ANKHD1: variants seen among roughly 807,000 people sequenced by gnomAD.
ANKHD1 encodes the protein ankyrin repeat and KH domain-containing protein 1.
A neutral mutation model predicts 230.5 loss-of-function variants in ANKHD1; 31 were observed. The ratio of observed to expected loss-of-function variants is 0.13; its 90% CI spans 0.10 to 0.18. The LOEUF is 0.18. Among genes scored for constraint, ANKHD1 ranks in the 10% least tolerant of loss-of-function variants. ANKHD1 has a pLI of 1.00. For missense variants in ANKHD1, 2,256 were observed against 3,071.3 expected (o/e 0.73, Z 6.27); for synonymous variants, 1,074 against 1,117.6 (o/e 0.96, Z 0.78).
In ANKHD1 at chr5:140,482,714, A is replaced by G. The variant is rs532812080; in HGVS notation, c.1870+47A>G. The G allele has an allele frequency of 5.8e-5, 90 of 1,551,948 alleles. No homozygotes were observed. The East Asian group carries it at 1.5e-3, about 26-fold the overall frequency. ...ATTTCCAAGAGGCTACAGTTTATGG[A>G]AAAAAAAATCCTAAACTGTTGCAAT... On this transcript the variant is annotated intron_variant, in intron 11 of 33. Transcript: ENST00000360839.
intron 1 of ANKHD1, among the ~76,000 whole-genome samples, chr5:140,434,581 T>C (rs935676530): frequency 5.9e-5 from 9 of 151,784 alleles, no homozygotes. Context: ...TATACACATA[T>C]GTACATTTAG....
chr5:140,528,073 C>G (rs1753677239), intron 28 of ANKHD1, 51 bp downstream of exon 28: 1 of 1,601,092 alleles, frequency 6.2e-7, no homozygotes, highest in South Asian at 1.1e-5. Context: ...TTATAAGAAG[C>G]ATACCTTTGT....
At chr5:140,461,216 A>G (rs530925800) in intron 9 of ANKHD1, among the ~76,000 whole-genome samples, 1 of 152,234 alleles carries the variant, frequency 6.6e-6, no homozygotes, top group Non-Finnish European at 1.5e-5. Context: ...CAATGATGTT[A>G]TATAACTCCG....
At chr5:140,464,886 C>G (rs1306975745) in intron 10 of ANKHD1, 110 bp downstream of exon 10, 2 of 1,113,248 alleles carry the variant, frequency 1.8e-6, no homozygotes, top group Non-Finnish European at 2.4e-6. Context: ...TATACAGTAA[C>G]TTAAAAAAGC....
intron 1 of ANKHD1, among the ~76,000 whole-genome samples, chr5:140,412,637 A>G (rs1174545482): frequency 6.6e-6 from 1 of 152,260 alleles, no homozygotes; most frequent in East Asian, 1.9e-4. Context: ...CCATTGAAAT[A>G]GAAAGGCATA....
chr5:140,442,116 T>G (rs1773902087), intron 5 of ANKHD1, among the ~76,000 whole-genome samples: 1 of 146,636 alleles, frequency 6.8e-6, no homozygotes, highest in Non-Finnish European at 1.5e-5. Context: ...CTTGGCTCAC[T>G]GCAACCTCCA....
Position 140,478,357 on chromosome 5 carries a change from C to A in ANKHD1, c.1783-4223C>A, listed in dbSNP as rs999854177. Reference sequence around the variant, plus strand: ...AAACAAGCAAGCAAGGCTTTTCTTTCTTTTTCTTTTTTTTTTTTTTTAGGG... The same window carrying A: ...AAACAAGCAAGCAAGGCTTTTCTTTATTTTTCTTTTTTTTTTTTTTTAGGG... On this transcript the variant is annotated intron_variant, in intron 10 of 33. Transcript: ENST00000360839. 6.9e-5 allele frequency among the ~76,000 whole-genome samples: 10 copies of A among 145,628 alleles called. No homozygotes were observed. The East Asian group carries it at 2.0e-3, about 29-fold the overall frequency.
chr5:140,499,989 A>C (rs1241320669), intron 15 of ANKHD1, among the ~76,000 whole-genome samples: 1 of 150,866 alleles, frequency 6.6e-6, no homozygotes. Flanking sequence ...CTGCCTCAGC[A>C]TTCCGAGTAA....
chr5:140,461,775 T>A (rs559859220), intron 9 of ANKHD1, among the ~76,000 whole-genome samples: 15 of 152,292 alleles, frequency 9.8e-5, no homozygotes, highest in African/African-American at 3.6e-4. Flanking sequence ...AAGATAATTT[T>A]AAAAATAACC....
chr5:140,412,081 A>T (rs1002085935), intron 1 of ANKHD1, among the ~76,000 whole-genome samples: 8 of 152,030 alleles, frequency 5.3e-5, no homozygotes, highest in African/African-American at 1.9e-4. Flanking sequence ...TTAGTTGCCC[A>T]GGCTGGAGTG....
At chr5:140,501,399 C>G (rs745399550) in intron 15 of ANKHD1, among the ~76,000 whole-genome samples, 7 of 151,828 alleles carry the variant, frequency 4.6e-5, no homozygotes, top group Non-Finnish European at 1.0e-4. Context: ...TTACATAGAA[C>G]TATTTAATAA....
intron 1 of ANKHD1, among the ~76,000 whole-genome samples, chr5:140,411,770 C>T (rs535756433): frequency 4.6e-5 from 7 of 151,870 alleles, no homozygotes; most frequent in African/African-American, 1.7e-4. Flanking sequence ...ACTATCTGCC[C>T]ACCTCAGCCT....
chr5:140,498,817 T>C (rs1395844801), intron 15 of ANKHD1, among the ~76,000 whole-genome samples: 1 of 151,728 alleles, frequency 6.6e-6, no homozygotes, highest in African/African-American at 2.4e-5. Flanking sequence ...TTTGCAGTTA[T>C]GAAATCTGTG....
chr5:140,494,144 G>C (rs1751928348), intron 14 of ANKHD1, among the ~76,000 whole-genome samples: 1 of 152,076 alleles, frequency 6.6e-6, no homozygotes, highest in South Asian at 2.1e-4. Context: ...ATATTTCTTT[G>C]CTATTGCTGT....
intron 11 of ANKHD1, 113 bp downstream of exon 11, chr5:140,482,780 C>T (rs1240446719): frequency 9.0e-7 from 1 of 1,114,910 alleles, no homozygotes; most frequent in African/African-American, 1.6e-5. Context: ...GTATTGTATT[C>T]TTGCCTTTTG....
intron 1 of ANKHD1, among the ~76,000 whole-genome samples, chr5:140,431,686 T>C (rs1016681514): frequency 3.3e-5 from 5 of 152,236 alleles, no homozygotes; most frequent in Non-Finnish European, 5.9e-5. Context: ...CTTATTCTCT[T>C]GATCTCCAGT....
chr5:140,528,052 C>G, intron 28 of ANKHD1, 30 bp downstream of exon 28: 1 of 1,607,942 alleles, frequency 6.2e-7, no homozygotes, highest in Non-Finnish European at 8.5e-7. Context: ...ACTGCTAGTT[C>G]TGAGTAGAAA....
At chr5:140,435,741 C>G (rs1235891071) in intron 1 of ANKHD1, among the ~76,000 whole-genome samples, 1 of 151,972 alleles carries the variant, frequency 6.6e-6, no homozygotes, top group East Asian at 1.9e-4. Flanking sequence ...CACCTTGTTG[C>G]CCAGGCTGGT....
chr5:140,538,783 A>G (rs1178782918), intron 32 of ANKHD1, 136 bp from the exon 33 acceptor site: 1 of 1,080,048 alleles, frequency 9.3e-7, no homozygotes, highest in Non-Finnish European at 1.2e-6. Context: ...CAACACTGCC[A>G]TACTGTACTT....
Sources: allele counts gnomAD v4.1 joint callset (sites outside exome capture counted in the v4.1 genomes callset), GRCh38; gene constraint gnomAD v4.1.1; transcripts MANE v1.5; gene names NCBI Gene and HGNC (gene_info 2026-07-23, HGNC 2026-07-21).